The following ANK3 variants were observed in gnomAD, a reference collection of about 807,000 sequenced individuals.
ANK3 encodes ankyrin-3.
A neutral mutation model predicts 370.9 loss-of-function variants in ANK3; 57 were observed. The observed-to-expected ratio is 0.15, with a 90% CI of 0.12 to 0.19. The LOEUF (loss-of-function observed/expected upper bound fraction) is 0.19, where lower values mean the gene tolerates loss of function less well. Ranked by LOEUF, ANK3 falls within the 10% of genes least tolerant of loss-of-function variation. ANK3 has a pLI of 1.00. For missense variants in ANK3, 4,439 were observed against 5,302.1 expected, an observed-to-expected ratio of 0.84 and a Z score of 5.06; for synonymous variants, 1,929 against 1,946.3, an observed-to-expected ratio of 0.99 and a Z score of 0.23.
At chr10:60,156,962 C>G (rs188245185) in intron 23 of ANK3, among the ~76,000 whole-genome samples, 2 of 152,152 alleles carry the variant, frequency 1.3e-5, no homozygotes, top group South Asian at 2.1e-4. Flanking sequence ...CATCAGTGAC[C>G]AGTCCTGGAG....
chr10:60,197,796 T>G (rs1435852257), intron 14 of ANK3, among the ~76,000 whole-genome samples: 1 of 152,150 alleles, frequency 6.6e-6, no homozygotes, highest in Admixed American at 6.5e-5. Context: ...GCTCCAAATT[T>G]TGCATTCTGC....
At chr10:60,384,057 CTA>C (rs941453439) in intron 1 of ANK3, among the ~76,000 whole-genome samples, 7 of 152,186 alleles carry the variant, frequency 4.6e-5, no homozygotes, top group African/African-American at 1.4e-4. Flanking sequence ...CAATCACTAG[CTA>C]TATGACCTCA....
At chr10:60,271,197 G>C (rs937572115) in intron 4 of ANK3, among the ~76,000 whole-genome samples, 1 of 150,998 alleles carries the variant, frequency 6.6e-6, no homozygotes, top group South Asian at 2.1e-4. Flanking sequence ...TTATTATTTT[G>C]AGACAGGGTC....
chr10:60,651,299 C>T (rs1259526155), intron 1 of ANK3, among the ~76,000 whole-genome samples: 2 of 152,148 alleles, frequency 1.3e-5, no homozygotes, highest in Admixed American at 1.3e-4. Context: ...AAGGATAACA[C>T]ATCAAGATCA....
intron 1 of ANK3, among the ~76,000 whole-genome samples, chr10:60,686,632 T>C (rs2079271943): frequency 6.6e-6 from 1 of 152,180 alleles, no homozygotes; most frequent in Non-Finnish European, 1.5e-5. Context: ...CAACTGTAGG[T>C]ATTATTACAT....
intron 8 of ANK3, among the ~76,000 whole-genome samples, chr10:60,233,033 T>C (rs2097271114): frequency 6.6e-6 from 1 of 152,198 alleles, no homozygotes; most frequent in Non-Finnish European, 1.5e-5. Context: ...AGATGGATGT[T>C]TGTCGTGAGA....
At chr10:60,686,745 A>G (rs1382308207) in intron 1 of ANK3, among the ~76,000 whole-genome samples, 2 of 152,148 alleles carry the variant, frequency 1.3e-5, no homozygotes, top group Admixed American at 1.3e-4. Flanking sequence ...TCCATTTTTG[A>G]ACCACGTGAA....
rs1298200007 is a variant in ANK3, at chr10:60,624,591, C to T, written c.58-9367G>A. Among the ~76,000 whole-genome samples the T allele has an allele frequency of 3.3e-5, 5 of 152,050 alleles. No individual in the cohort carries two copies. In the South Asian group the frequency reaches 6.2e-4, roughly 19 times the overall value. ...GAATCTTTCTAGCAAGTTATTAAACCTGAGGGTCGCCTTAGGAACTCAAAA... is the reference window on the plus strand; with the variant it reads ...GAATCTTTCTAGCAAGTTATTAAACTTGAGGGTCGCCTTAGGAACTCAAAA... On this transcript the variant is annotated intron_variant, in intron 1 of 43. Transcript: ENST00000373827.
At position 60,151,404 on chromosome 10, in the gene ANK3, C is replaced by G. The variant is rs1360441177; in HGVS notation, c.2615-12317G>C. On this transcript the variant is annotated intron_variant, in intron 23 of 43. Coordinates refer to ENST00000280772, the MANE Select transcript of ANK3 (RefSeq NM_020987.5). ...CCGTGAGATGTGATGTTAAAAAGAGCCTGGCTTAGTTAGGCTTTTAAGATT... is the reference window on the plus strand; with the variant it reads ...CCGTGAGATGTGATGTTAAAAAGAGGCTGGCTTAGTTAGGCTTTTAAGATT... Among the ~76,000 whole-genome samples the G allele has an allele frequency of 2.0e-5, 3 of 152,052 alleles. No homozygotes were observed. The East Asian group carries it at 5.8e-4, about 29-fold the overall frequency.
At chr10:60,594,109 A>C (rs1157752988) in intron 2 of ANK3, among the ~76,000 whole-genome samples, 3 of 152,214 alleles carry the variant, frequency 2.0e-5, no homozygotes, top group Non-Finnish European at 4.4e-5. Flanking sequence ...TTTAATTTTC[A>C]TAATTTTCAT....
At chr10:60,563,577 G>A (rs2077389658) in intron 2 of ANK3, among the ~76,000 whole-genome samples, 2 of 152,138 alleles carry the variant, frequency 1.3e-5, no homozygotes, top group South Asian at 4.1e-4. Context: ...ACACTAAGTA[G>A]GATGAATAAA....
intron 5 of ANK3, among the ~76,000 whole-genome samples, chr10:60,264,344 T>G (rs1265798320): frequency 6.6e-6 from 1 of 152,060 alleles, no homozygotes; most frequent in African/African-American, 2.4e-5. Context: ...ATAATATCAA[T>G]ATTCATAAAA....
chr10:60,138,418 A>G (rs1480253851), intron 24 of ANK3: 1 of 337,682 alleles, frequency 3.0e-6, no homozygotes, highest in African/African-American at 2.1e-5. Context: ...TTGGTAAATC[A>G]CTGTTATACT....
chr10:60,506,242 T>A (rs1309046012), intron 2 of ANK3, among the ~76,000 whole-genome samples: 1 of 152,108 alleles, frequency 6.6e-6, no homozygotes, highest in Non-Finnish European at 1.5e-5. Context: ...TTAAAATGAT[T>A]CTGCTCCTAC....
intron 2 of ANK3, among the ~76,000 whole-genome samples, chr10:60,538,101 C>T (rs1267654605): frequency 6.6e-6 from 1 of 151,808 alleles, no homozygotes; most frequent in Non-Finnish European, 1.5e-5. Flanking sequence ...ATTCCATATC[C>T]ATGGGGCCGC....
intron 2 of ANK3, among the ~76,000 whole-genome samples, chr10:60,613,475 T>C (rs1449476252): frequency 1.3e-5 from 2 of 152,214 alleles, no homozygotes; most frequent in African/African-American, 2.4e-5. Context: ...CTTAAAATTA[T>C]TGAGAAAGTA....
At position 60,114,350 on chromosome 10, in the gene ANK3, A is replaced by C; in HGVS notation, c.2842-19T>G. ...TTAGATGCTGAAAAATAAAATGGTA[A>C]ATTAAATTACATCAACAAACCATAC... On this transcript the variant is annotated intron_variant, in intron 25 of 43. Coordinates refer to ENST00000280772, the MANE Select transcript of ANK3 (RefSeq NM_020987.5). The C allele has an allele frequency of 7.0e-7, 1 of 1,429,910 alleles. No homozygotes were observed. Among genetic ancestry groups the C allele is most frequent in the South Asian group, 1.2e-5 (1 of 84,210 alleles). The allele number at this position is 1,429,910 out of a possible 1,614,324, so 88.6% of individuals were successfully genotyped here. A position where few individuals can be genotyped will look rare whatever the true frequency, so the allele number is the denominator to read the frequency against.
At chr10:60,305,238 G>T (rs1320449564) in intron 1 of ANK3, among the ~76,000 whole-genome samples, 1 of 151,904 alleles carries the variant, frequency 6.6e-6, no homozygotes, top group East Asian at 1.9e-4. Context: ...TGCGTTTTTT[G>T]GTCTGTTCTT....
At chr10:60,280,443 G>A (rs1331541561) in intron 1 of ANK3, among the ~76,000 whole-genome samples, 1 of 152,162 alleles carries the variant, frequency 6.6e-6, no homozygotes, top group Non-Finnish European at 1.5e-5. Flanking sequence ...CCATATGTAG[G>A]AGCAGCAGCA....
Sources: gnomAD v4.1 joint callset for allele counts (sites outside exome capture counted in the v4.1 genomes callset) on GRCh38, gnomAD v4.1.1 for gene constraint, MANE v1.5 for transcripts, NCBI Gene and HGNC (gene_info 2026-07-23, HGNC 2026-07-21) for gene names.